The following CMTM8 variants were observed in gnomAD, a reference collection of about 807,000 sequenced individuals.
CMTM8 encodes the protein CKLF-like MARVEL transmembrane domain-containing protein 8.
A neutral mutation model predicts 18.6 loss-of-function variants in CMTM8; 12 were observed. The ratio of observed to expected loss-of-function variants is 0.65; its 90% CI spans 0.41 to 1.05. CMTM8 has a LOEUF of 1.05. Among genes scored for constraint, CMTM8 ranks in the 50% least tolerant of loss-of-function variants. The pLI, the probability that CMTM8 is intolerant of heterozygous loss-of-function variation, is 0.00. For missense variants in CMTM8, 217 were observed against 227.2 expected (o/e 0.95, Z 0.29); for synonymous variants, 87 against 90.6 (o/e 0.96, Z 0.23).
chr3:32,256,363 C>A (rs994326191), intron 1 of CMTM8, among the ~76,000 whole-genome samples: 1 of 152,012 alleles, frequency 6.6e-6, no homozygotes, highest in Admixed American at 6.5e-5. Context: ...AGTCACTGTA[C>A]CTGGCTGCAT....
chr3:32,242,268 A>C (rs1442574629), intron 1 of CMTM8, among the ~76,000 whole-genome samples: 1 of 152,192 alleles, frequency 6.6e-6, no homozygotes, highest in African/African-American at 2.4e-5. Flanking sequence ...TAGACTGAAA[A>C]TGTTTTTCTT....
intron 1 of CMTM8, among the ~76,000 whole-genome samples, chr3:32,348,792 C>A (rs1264309189): frequency 2.0e-5 from 3 of 152,070 alleles, no homozygotes; most frequent in Admixed American, 6.6e-5. Flanking sequence ...TGAGCCACCT[C>A]TTCTGGCCCC....
At chr3:32,316,598 A>G (rs4955277) in intron 1 of CMTM8, among the ~76,000 whole-genome samples, 34,697 of 152,146 alleles carry the variant, frequency 0.23, 4,964 homozygotes, top group East Asian at 0.55. Flanking sequence ...TGTTGAATCA[A>G]TTGTTGAGCT....
At chr3:32,352,491 C>T (rs1451013007) in intron 1 of CMTM8, among the ~76,000 whole-genome samples, 2 of 152,166 alleles carry the variant, frequency 1.3e-5, no homozygotes, top group South Asian at 2.1e-4. Flanking sequence ...GTTCAACAAG[C>T]CCTCCAGGTG....
chr3:32,274,180 C>T (rs1702481621), intron 1 of CMTM8, among the ~76,000 whole-genome samples: 1 of 151,808 alleles, frequency 6.6e-6, no homozygotes, highest in Non-Finnish European at 1.5e-5. Context: ...CATGGTGGTG[C>T]ATGCCTGCGG....
chr3:32,311,878 A>G (rs1315427470), intron 1 of CMTM8, among the ~76,000 whole-genome samples: 1 of 152,230 alleles, frequency 6.6e-6, no homozygotes, highest in African/African-American at 2.4e-5. Flanking sequence ...GAGGCAAATT[A>G]ACACAGGTAG....
chr3:32,342,942 G>A (rs976156889), intron 1 of CMTM8, among the ~76,000 whole-genome samples: 2 of 152,200 alleles, frequency 1.3e-5, no homozygotes, highest in Admixed American at 6.5e-5. Flanking sequence ...GCTCAGGTTA[G>A]TAACTTGCCC....
intron 3 of CMTM8, among the ~76,000 whole-genome samples, chr3:32,369,231 T>G (rs1340334853): frequency 6.6e-6 from 1 of 152,146 alleles, no homozygotes; most frequent in Non-Finnish European, 1.5e-5. Flanking sequence ...GGAGAATTGC[T>G]TGAACCCAGG....
At position 32,266,187 on chromosome 3, in the gene CMTM8, T is replaced by C. The variant is rs181750494; in HGVS notation, c.147+27068T>C. ...TTTAGACCAATATCCCTGATGAATATCAATGCAAAAATCCTCAATAAAATA... is the reference window on the plus strand; with the variant it reads ...TTTAGACCAATATCCCTGATGAATACCAATGCAAAAATCCTCAATAAAATA... On this transcript the variant is annotated intron_variant, in intron 1 of 3. Coordinates refer to ENST00000307526, the MANE Select transcript of CMTM8 (RefSeq NM_178868.5). 3.8e-3 allele frequency among the ~76,000 whole-genome samples: 572 copies of C among 152,270 alleles called. 13 individuals are homozygous for C. Among genetic ancestry groups the C allele is most frequent in the Admixed American group, 0.034 (527 of 15,288 alleles).
At chr3:32,262,127 T>C (rs1304528411) in intron 1 of CMTM8, among the ~76,000 whole-genome samples, 2 of 152,120 alleles carry the variant, frequency 1.3e-5, no homozygotes, top group Non-Finnish European at 1.5e-5. Context: ...TGGATGTCCA[T>C]TGTCCCCATT....
intron 1 of CMTM8, among the ~76,000 whole-genome samples, chr3:32,274,536 A>G (rs1702487647): frequency 1.3e-5 from 2 of 152,078 alleles, no homozygotes; most frequent in African/African-American, 2.4e-5. Flanking sequence ...TCTGCTTCAT[A>G]TTTTATGGAA....
intron 1 of CMTM8, among the ~76,000 whole-genome samples, chr3:32,247,352 G>A (rs922876749): frequency 2.0e-5 from 3 of 151,792 alleles, no homozygotes; most frequent in Non-Finnish European, 4.4e-5. Context: ...TCACTCTTTC[G>A]CCCAGGCTGG....
chr3:32,298,798 A>AATATATATAT (rs139764907), intron 1 of CMTM8, among the ~76,000 whole-genome samples: 8 of 136,236 alleles, frequency 5.9e-5, no homozygotes, highest in Non-Finnish European at 6.2e-5. Context: ...ACACCCAGCT[A>AATATATATAT]ATATATATAT....
intron 1 of CMTM8, among the ~76,000 whole-genome samples, chr3:32,281,122 C>T (rs1702603074): frequency 1.3e-5 from 2 of 152,142 alleles, no homozygotes; most frequent in Admixed American, 6.5e-5. Flanking sequence ...CTGTGTATGA[C>T]TATTAGTATG....
At chr3:32,309,523 G>A (rs1695781921) in intron 1 of CMTM8, among the ~76,000 whole-genome samples, 1 of 151,912 alleles carries the variant, frequency 6.6e-6, no homozygotes, top group African/African-American at 2.4e-5. Context: ...GGCCAGGCTG[G>A]TCTCGATGTC....
intron 1 of CMTM8, among the ~76,000 whole-genome samples, chr3:32,266,847 A>G (rs993665826): frequency 6.6e-6 from 1 of 152,254 alleles, no homozygotes; most frequent in African/African-American, 2.4e-5. Context: ...ACTCCCATTC[A>G]TAATTGCTTC....
intron 1 of CMTM8, among the ~76,000 whole-genome samples, chr3:32,346,035 T>C (rs552494758): frequency 6.6e-5 from 10 of 152,144 alleles, no homozygotes; most frequent in African/African-American, 2.2e-4. Flanking sequence ...ATGCCTGTAG[T>C]CCCACAGGCT....
chr3:32,321,659 G>A (rs1696056871), intron 1 of CMTM8, among the ~76,000 whole-genome samples: 1 of 152,136 alleles, frequency 6.6e-6, no homozygotes, highest in African/African-American at 2.4e-5. Context: ...TTACAGTGGT[G>A]CAATCATGGC....
At chr3:32,323,418 T>TA (rs996654448) in intron 1 of CMTM8, among the ~76,000 whole-genome samples, 4 of 152,334 alleles carry the variant, frequency 2.6e-5, no homozygotes, top group Middle Eastern at 3.4e-3. Flanking sequence ...ACTCCATGTA[T>TA]AAAAAAATAT....
Sources: gnomAD v4.1 joint callset for allele counts (sites outside exome capture counted in the v4.1 genomes callset) on GRCh38, gnomAD v4.1.1 for gene constraint, MANE v1.5 for transcripts, NCBI Gene and HGNC (gene_info 2026-07-23, HGNC 2026-07-21) for gene names.